Variants in TTLL12 observed in about 807,000 individuals in gnomAD.
The protein encoded by TTLL12 is tubulin tyrosine ligase like 12.
TTLL12 carries 77 observed loss-of-function variants against 79.6 expected under a neutral mutation model. The ratio of observed to expected loss-of-function variants is 0.97; its 90% CI spans 0.81 to 1.17. The LOEUF is 1.17. Ranked by LOEUF, TTLL12 falls within the 50% of genes most tolerant of loss-of-function variation. The probability of loss-of-function intolerance (pLI) is 0.00; values close to 1 mark genes in which losing one functional copy is unlikely to be tolerated. For synonymous variants in TTLL12, 437 were observed against 376.1 expected, an observed-to-expected ratio of 1.16 and a Z score of -1.87; for missense variants, 969 against 895.9, an observed-to-expected ratio of 1.08 and a Z score of -1.04.
At chr22:43,182,253 G>A (rs1358063039) in intron 2 of TTLL12, among the ~76,000 whole-genome samples, 1 of 152,266 alleles carries the variant, frequency 6.6e-6, no homozygotes, top group Non-Finnish European at 1.5e-5. Flanking sequence ...TGAACCTGAA[G>A]GGGACGGTGA....
chr22:43,177,118 C>T (rs148899465), intron 5 of TTLL12, among the ~76,000 whole-genome samples: 15 of 152,312 alleles, frequency 9.8e-5, no homozygotes, highest in Non-Finnish European at 2.2e-4. Context: ...CCAGTAATCC[C>T]TGCACTTTGG....
chr22:43,186,981 T>A lies in TTLL12; in HGVS notation c.89A>T (p.Glu30Val). 2 of 1,301,780 alleles carry A rather than the reference T, an allele frequency of 1.5e-6. No individual in the cohort carries two copies. The highest frequency in any genetic ancestry group is 3.3e-5 in the East Asian group (1 of 30,134). The allele number at this position is 1,301,780 out of a possible 1,614,324, so 80.6% of individuals were successfully genotyped here. A position where few individuals can be genotyped will look rare whatever the true frequency, so the allele number is the denominator to read the frequency against. The change falls in exon 1 of 14, where the codon GAG becomes GTG. Residue 30 changes from glutamate (E) to valine (V), a missense_variant. By Grantham distance (121) the Glu-to-Val change is moderately radical (BLOSUM62 -2). Coordinates refer to ENST00000216129, the MANE Select transcript of TTLL12 (RefSeq NM_015140.4). ...CGCCGGGCCGTGCAGCGCCGCGAAC[T>A]CGGCCAAGGCCTGCGCGCCCTCCTC... ...TPEEGAQALA[E>V]FAALHGPALR...
Position 43,180,812 on chromosome 22 carries a change from C to G in TTLL12, c.476G>C (p.Ser159Thr), listed in dbSNP as rs963494325. 8 of 1,613,090 alleles carry G rather than the reference C, an allele frequency of 5.0e-6. No homozygotes were observed. In the African/African-American group the frequency reaches 9.3e-5, roughly 19 times the overall value. ...CAGCACCAGGGCCACAGCCTCTGTA[C>G]TGGGCAGCTCACCGTGGAACTCAAT... is the stretch of plus-strand genomic sequence containing the variant. ...MGIEFHGELP[S>T]TEAVALVLEE... Residue 159 changes from serine (S) to threonine (T), a missense_variant, in exon 3 of 14, where the codon AGT (serine) becomes ACT (threonine). Ser to Thr is a moderately conservative substitution (Grantham distance 58, BLOSUM62 1). Coordinates refer to ENST00000216129, the MANE Select transcript of TTLL12 (RefSeq NM_015140.4).
At chr22:43,172,631 G>A (rs1931796864) in intron 9 of TTLL12, 77 bp from the exon 10 acceptor site, 2 of 1,549,528 alleles carry the variant, frequency 1.3e-6, no homozygotes, top group East Asian at 2.3e-5. Flanking sequence ...AAGCCACGCA[G>A]GGGGCACAGA....
chr22:43,180,252 A>G (rs1004416352), intron 3 of TTLL12, among the ~76,000 whole-genome samples: 1 of 152,180 alleles, frequency 6.6e-6, no homozygotes, highest in Admixed American at 6.5e-5. Context: ...CAAGGCACTC[A>G]GCCCAGCACC....
intron 13 of TTLL12, among the ~76,000 whole-genome samples, 192 bp downstream of exon 13, chr22:43,168,582 C>A (rs939735496): frequency 6.6e-6 from 1 of 152,216 alleles, no homozygotes; most frequent in Non-Finnish European, 1.5e-5. Flanking sequence ...GCCCAACCCG[C>A]AGCCTTTCCC....
At chr22:43,183,644 C>T (rs1296029038) in intron 1 of TTLL12, among the ~76,000 whole-genome samples, 1 of 152,248 alleles carries the variant, frequency 6.6e-6, no homozygotes, top group Non-Finnish European at 1.5e-5. Context: ...AAGCCTCCTC[C>T]AGCCCAGCCC....
At position 43,179,645 on chromosome 22, in the gene TTLL12, G is replaced by A; in HGVS notation, c.814C>T (p.Pro272Ser). Residue 272 changes from proline (P) to serine (S), a missense_variant, in exon 5 of 14, where the codon CCC (proline) becomes TCC (serine). Physicochemically the swap from Pro to Ser is moderately conservative, Grantham distance 74. Transcript: ENST00000216129. Reference sequence around the variant, plus strand: ...TGGTAGTGCTCGGCGGGCGGCTCGGGTGTGCAAGAGCTGAGGTCCAGCATG... The same window carrying A: ...TGGTAGTGCTCGGCGGGCGGCTCGGATGTGCAAGAGCTGAGGTCCAGCATG... ...TDMLDLSSCT[P>S]EPPAEHYQAI... The A allele has an allele frequency of 3.2e-6, 5 of 1,586,332 alleles. No individual in the cohort carries two copies. The highest frequency in any genetic ancestry group is 4.3e-6 in the Non-Finnish European group (5 of 1,166,828).
rs768761382 is a variant in TTLL12 at position 43,171,863 on chromosome 22, G to A, written c.1531C>T (p.His511Tyr). The change falls in exon 11 of 14, where the codon CAC becomes TAC. Residue 511 changes from histidine (H) to tyrosine (Y), a missense_variant. Physicochemically the swap from His to Tyr is moderately conservative, Grantham distance 83. Coordinates refer to ENST00000216129, the MANE Select transcript of TTLL12 (RefSeq NM_015140.4). ...ALNDLDDYEK[H>Y]FTVMNYDPDV... ...GGGTCATAGTTCATGACCGTGAAGT[G>A]CTTCTCGTAGTCATCCAGGTCGTTG... 9 of 1,614,074 alleles carry A rather than the reference G, an allele frequency of 5.6e-6. No homozygotes were observed. The East Asian group carries it at 6.7e-5, about 12-fold the overall frequency.
Position 43,172,427 on chromosome 22 carries a change from A to G in TTLL12, c.1469T>C (p.Val490Ala), listed in dbSNP as rs375398995. ...CCGGTTGGAGAACCGCAGCCAGAAC[A>G]CATCATACACGAACAACCGTAGGGG... Reference protein sequence around the residue: ...VRPLRLFVYDVFWLRFSNRAF... With the variant: ...VRPLRLFVYDAFWLRFSNRAF... The change falls in exon 10 of 14, where the codon GTG becomes GCG. Residue 490 changes from valine (V) to alanine (A), a missense_variant. Physicochemically the swap from Val to Ala is moderately conservative, Grantham distance 64 (BLOSUM62 0). Coordinates refer to ENST00000216129, the MANE Select transcript of TTLL12 (RefSeq NM_015140.4). 1.2e-6 allele frequency: 2 copies of G among 1,614,134 alleles called. No homozygotes were observed. The highest frequency in any genetic ancestry group is 2.7e-5 in the African/African-American group (2 of 75,044).
At chr22:43,179,270 C>A (rs1931990779) in intron 5 of TTLL12, among the ~76,000 whole-genome samples, 1 of 152,162 alleles carries the variant, frequency 6.6e-6, no homozygotes, top group African/African-American at 2.4e-5. Context: ...TGTGTGAACA[C>A]AGGGTGTTTC....
chr22:43,167,865 G>A lies in TTLL12; in HGVS notation c.*143C>T, dbSNP rs1452395195. The A allele has an allele frequency of 1.9e-6, 2 of 1,066,564 alleles. No homozygotes were observed. Among genetic ancestry groups the A allele is most frequent in the African/African-American group, 1.6e-5 (1 of 62,850 alleles). The allele number at this position is 1,066,564 out of a possible 1,614,324, so 66.1% of individuals were successfully genotyped here. ...TGCTCCCGGAGTGTGGCGCCGGGAG[G>A]ATGGCTCGGCAGGACAGAGGCCTGG... On this transcript the variant is annotated 3_prime_UTR_variant, in exon 14 of 14. Coordinates refer to ENST00000216129, the MANE Select transcript of TTLL12 (RefSeq NM_015140.4).
chr22:43,178,173 C>A (rs914558737), intron 5 of TTLL12, among the ~76,000 whole-genome samples: 12 of 152,180 alleles, frequency 7.9e-5, no homozygotes, highest in Admixed American at 5.2e-4. Flanking sequence ...CCCTTTGAAC[C>A]AACAAGACTG....
At chr22:43,169,433 G>A in intron 12 of TTLL12, 67 bp downstream of exon 12, 1 of 1,349,942 alleles carries the variant, frequency 7.4e-7, no homozygotes, top group Non-Finnish European at 1.0e-6. Context: ...GAAGGGAGCA[G>A]CTCCTGCAGG....
At chr22:43,175,916 G>A (rs573483772) in intron 6 of TTLL12, among the ~76,000 whole-genome samples, 41 of 145,124 alleles carry the variant, frequency 2.8e-4, no homozygotes, top group Admixed American at 5.7e-4. Context: ...TTGAACTCCC[G>A]ATCTCAGGCG....
chr22:43,175,019 G>A (rs1438918086), intron 6 of TTLL12, among the ~76,000 whole-genome samples: 1 of 152,256 alleles, frequency 6.6e-6, no homozygotes, highest in African/African-American at 2.4e-5. Flanking sequence ...CCCCAGAGGA[G>A]GTGGAGGGAC....
Position 43,183,010 on chromosome 22 carries a change from T to A in TTLL12, c.317A>T (p.Glu106Val), listed in dbSNP as rs1932096551. ...GGGGTGGGCTGCCTGGAGCCCGCTCTCCCTGGTCACGATGACCTTGTAGCA... is the reference window on the plus strand; with the variant it reads ...GGGGTGGGCTGCCTGGAGCCCGCTCACCCTGGTCACGATGACCTTGTAGCA... Reference protein sequence around the residue: ...ELCYKVIVTRESGLQAAHPNS... With the variant: ...ELCYKVIVTRVSGLQAAHPNS... The change falls in exon 2 of 14, where the codon GAG (glutamate) becomes GTG (valine). Residue 106 changes from glutamate to valine, a missense_variant. Glu to Val is a moderately radical substitution (Grantham distance 121). Coordinates refer to ENST00000216129, the MANE Select transcript of TTLL12 (RefSeq NM_015140.4). The A allele has an allele frequency of 1.2e-6, 2 of 1,613,744 alleles. No homozygotes were observed. The highest frequency in any genetic ancestry group is 1.7e-5 in the Admixed American group (1 of 59,986).
In TTLL12 at chr22:43,166,707, C is replaced by G. The variant is rs1395759391; in HGVS notation, c.*1301G>C. ...CAGGAGCTGCCAAAGGCGACGGGCCCGCCCTGCCCCTGCAACAGGCCCTCC... is the reference window on the plus strand; with the variant it reads ...CAGGAGCTGCCAAAGGCGACGGGCCGGCCCTGCCCCTGCAACAGGCCCTCC... On this transcript the variant is annotated 3_prime_UTR_variant, in exon 14 of 14. Coordinates refer to ENST00000216129, the MANE Select transcript of TTLL12 (RefSeq NM_015140.4). 5 of 153,030 alleles carry G rather than the reference C, an allele frequency of 3.3e-5. No homozygotes were observed. The highest frequency in any genetic ancestry group is 7.3e-5 in the Non-Finnish European group (5 of 68,510). 9.5% of individuals were successfully genotyped at this position (153,030 alleles called of 1,614,324 possible).
In TTLL12 at chr22:43,179,942, T is replaced by C. The variant is rs749783085; in HGVS notation, c.605A>G (p.Gln202Arg). 1 of 1,610,774 alleles carries C rather than the reference T, an allele frequency of 6.2e-7. No homozygotes were observed. Among genetic ancestry groups the C allele is most frequent in the South Asian group, 1.1e-5 (1 of 91,040 alleles). The change falls in exon 4 of 14, where the codon CAG (glutamine) becomes CGG (arginine). Residue 202 changes from glutamine (Q) to arginine (R), a missense_variant. Coordinates refer to ENST00000216129, the MANE Select transcript of TTLL12 (RefSeq NM_015140.4). ...GGCGAAGCTGGGCACGTCCGCGTGC[T>C]GGATCCGCGAACCGAACTCGTCCAT... is the stretch of plus-strand genomic sequence containing the variant. ...YIMDEFGSRI[Q>R]HADVPSFATA...
Sources: allele counts gnomAD v4.1 joint callset (sites outside exome capture counted in the v4.1 genomes callset), GRCh38; gene constraint gnomAD v4.1.1; transcripts MANE v1.5; gene names NCBI Gene and HGNC (gene_info 2026-07-23, HGNC 2026-07-21).